FSTL4: variants seen among roughly 807,000 people sequenced by gnomAD.
The protein encoded by FSTL4 is follistatin like 4.
In FSTL4, 28 loss-of-function variants were observed where a neutral mutation model predicts 78.2. That is an observed-to-expected ratio of 0.36 (90% CI 0.27 to 0.49). FSTL4 has a LOEUF of 0.49. Among genes scored for constraint, FSTL4 ranks in the 20% least tolerant of loss-of-function variants. FSTL4 has a pLI of 0.98. For synonymous variants in FSTL4, 422 were observed against 440.5 expected, an observed-to-expected ratio of 0.96 and a Z score of 0.53; for missense variants, 922 against 1,084.9, an observed-to-expected ratio of 0.85 and a Z score of 2.11.
chr5:133,383,640 C>A (rs1255410879), intron 4 of FSTL4, among the ~76,000 whole-genome samples: 1 of 152,214 alleles, frequency 6.6e-6, no homozygotes, highest in African/African-American at 2.4e-5. Flanking sequence ...CAAACATTTG[C>A]TCTGTTAATT....
upstream of FSTL4, among the ~76,000 whole-genome samples, chr5:133,617,342 A>AAAAAGTCTCTGCC (rs2112992253): frequency 6.6e-6 from 1 of 151,234 alleles, no homozygotes; most frequent in South Asian, 2.1e-4. Flanking sequence ...GAGGCACCAA[A>AAAAAGTCTCTGCC]TGATAGCGAG....
intron 3 of FSTL4, among the ~76,000 whole-genome samples, chr5:133,552,980 G>A (rs1480775680): frequency 6.6e-6 from 1 of 152,206 alleles, no homozygotes; most frequent in Non-Finnish European, 1.5e-5. Context: ...CTCAACTGTA[G>A]GGTTCAGGGC....
At chr5:133,602,096 A>C (rs1232425341) in intron 2 of FSTL4, among the ~76,000 whole-genome samples, 2 of 152,152 alleles carry the variant, frequency 1.3e-5, no homozygotes, top group East Asian at 3.8e-4. Flanking sequence ...CAATGATTAG[A>C]AGTTATAATA....
chr5:133,526,136 G>C (rs1009052903), intron 3 of FSTL4, among the ~76,000 whole-genome samples: 1 of 152,146 alleles, frequency 6.6e-6, no homozygotes, highest in Non-Finnish European at 1.5e-5. Context: ...ATGAGACATT[G>C]ATACTTATCA....
chr5:133,735,825 C>G, the FSTL4 span, among the ~76,000 whole-genome samples: 4 of 152,166 alleles, frequency 2.6e-5, no homozygotes. Flanking sequence ...TCCTGAAAAC[C>G]TGCCCTAGTG....
the FSTL4 span, among the ~76,000 whole-genome samples, chr5:133,701,635 C>T: frequency 8.6e-5 from 13 of 152,018 alleles, no homozygotes; most frequent in Non-Finnish European, 1.3e-4. Flanking sequence ...TTAGTTCTTC[C>T]GCACACACCT....
the FSTL4 span, among the ~76,000 whole-genome samples, chr5:133,818,972 C>T: frequency 1.1e-5 from 1 of 90,598 alleles, no homozygotes; most frequent in African/African-American, 4.5e-5. Context: ...CGTACGCATG[C>T]ACACACACAC....
chr5:133,316,783 C>A, intron 4 of FSTL4, 131 bp from the exon 5 acceptor site: 1 of 662,990 alleles, frequency 1.5e-6, no homozygotes, highest in South Asian at 2.2e-5. Flanking sequence ...CACGGTGCAA[C>A]TGTCGTCGAT....
At chr5:133,797,827 C>T in the FSTL4 span, among the ~76,000 whole-genome samples, 979 of 152,224 alleles carry the variant, frequency 6.4e-3, 6 homozygotes, top group African/African-American at 0.023. Flanking sequence ...GCTTTGCTCC[C>T]CAAACATGTC....
chr5:133,242,654 C>T (rs1751913116), intron 7 of FSTL4, among the ~76,000 whole-genome samples: 1 of 152,118 alleles, frequency 6.6e-6, no homozygotes, highest in East Asian at 1.9e-4. Context: ...GCTGGAGTAC[C>T]ATAGGCCCCG....
intron 3 of FSTL4, among the ~76,000 whole-genome samples, chr5:133,560,782 G>A (rs981399139): frequency 2.3e-4 from 35 of 151,538 alleles, no homozygotes; most frequent in Non-Finnish European, 4.7e-4. Flanking sequence ...GACCAGAATA[G>A]GCTAAGTTTA....
intron 3 of FSTL4, among the ~76,000 whole-genome samples, chr5:133,403,490 C>T (rs767054058): frequency 6.6e-6 from 1 of 152,154 alleles, no homozygotes; most frequent in Non-Finnish European, 1.5e-5. Context: ...CTCGTGTGGC[C>T]CCAGTATACT....
the FSTL4 span, among the ~76,000 whole-genome samples, chr5:133,821,580 G>A: frequency 6.6e-6 from 1 of 152,204 alleles, no homozygotes; most frequent in Admixed American, 6.5e-5. Context: ...GCAGGAATTG[G>A]CAGTGTGTGT....
At chr5:133,524,625 C>T (rs954341384) in intron 3 of FSTL4, among the ~76,000 whole-genome samples, 3 of 152,186 alleles carry the variant, frequency 2.0e-5, no homozygotes, top group Admixed American at 6.5e-5. Flanking sequence ...TCTTTGGACC[C>T]GTACTTGCAA....
At chr5:133,253,188 C>T (rs1425985467) in intron 6 of FSTL4, among the ~76,000 whole-genome samples, 1 of 152,206 alleles carries the variant, frequency 6.6e-6, no homozygotes, top group African/African-American at 2.4e-5. Context: ...GGTCAACAAG[C>T]CTCCCCCTGG....
chr5:133,612,426 G>C lies in FSTL4; in HGVS notation c.-112C>G, dbSNP rs1054338472. 1 of 152,064 alleles carries C rather than the reference G, an allele frequency of 6.6e-6. No homozygotes were observed. The highest frequency in any genetic ancestry group is 2.1e-4 in the South Asian group (1 of 4,836). The allele number at this position is 152,064 out of a possible 1,614,324, so 9.4% of individuals were successfully genotyped here. On this transcript the variant is annotated 5_prime_UTR_variant, in exon 1 of 16. Coordinates refer to ENST00000265342, the MANE Select transcript of FSTL4 (RefSeq NM_015082.2). The surrounding 1 kb of genome is among the most constrained non-coding windows in gnomAD (Gnocchi z 6.2). The stretch of plus-strand genomic sequence containing the variant: ...CGGCGACCCCGCCCCGCGTCCTTCG[G>C]CTGGTTTCTCGGGCTGTCGGCGGGT...
the FSTL4 span, among the ~76,000 whole-genome samples, chr5:133,812,450 C>T: frequency 6.6e-6 from 1 of 152,234 alleles, no homozygotes; most frequent in Non-Finnish European, 1.5e-5. Context: ...ATGGGTCTTC[C>T]TTCTGGTTCT....
At chr5:133,231,581 C>T (rs1975025) in intron 8 of FSTL4, among the ~76,000 whole-genome samples, 31,069 of 152,102 alleles carry the variant, frequency 0.2, 3,696 homozygotes, top group East Asian at 0.46. Flanking sequence ...CTCCCTCTGT[C>T]GCCCAGGTTG....
At chr5:133,668,546 G>A in the FSTL4 span, among the ~76,000 whole-genome samples, 1 of 152,194 alleles carries the variant, frequency 6.6e-6, no homozygotes, top group African/African-American at 2.4e-5. Context: ...TACTCTTGGG[G>A]TATATTACAA....
Sources: gnomAD v4.1 joint callset for allele counts (sites outside exome capture counted in the v4.1 genomes callset) on GRCh38, gnomAD v4.1.1 for gene constraint, Gnocchi (gnomAD v3.1) non-coding constraint, MANE v1.5 for transcripts, NCBI Gene and HGNC (gene_info 2026-07-23, HGNC 2026-07-21) for gene names.